Variants in ZFP64 observed in about 807,000 individuals in gnomAD.
The protein encoded by ZFP64 is ZFP64 zinc finger protein.
ZFP64 carries 14 observed loss-of-function variants against 51.6 expected under a neutral mutation model. That is an observed-to-expected ratio of 0.27 (90% CI 0.18 to 0.42). The LOEUF (loss-of-function observed/expected upper bound fraction) is 0.42, where lower values mean the gene tolerates loss of function less well. Among genes scored for constraint, ZFP64 ranks in the 10% least tolerant of loss-of-function variants. The pLI is 1.00. For synonymous variants in ZFP64, 375 were observed against 361.4 expected (o/e 1.04, Z -0.43); for missense variants, 754 against 906.8 (o/e 0.83, Z 2.16).
At chr20:52,088,364 G>T in intron 8 of ZFP64, 1 of 1,609,644 alleles carries the variant, frequency 6.2e-7, no homozygotes, top group South Asian at 1.1e-5. Flanking sequence ...AAAAGTAAGG[G>T]ATTGAGGTTT....
chr20:52,166,160 T>C (rs1982251619), intron 2 of ZFP64, 135 bp from the exon 3 acceptor site: 1 of 832,890 alleles, frequency 1.2e-6, no homozygotes. Context: ...ACAGTGATCA[T>C]GTGACCCAGT....
exon 8 of ZFP64, chr20:52,088,479 A>G: frequency 6.2e-7 from 1 of 1,614,110 alleles, no homozygotes; most frequent in Non-Finnish European, 8.5e-7. Context: ...CGCTCATCAG[A>G]GTGGATCCGC....
chr20:52,147,840 C>A (rs1980599572), downstream of ZFP64, among the ~76,000 whole-genome samples: 1 of 151,962 alleles, frequency 6.6e-6, no homozygotes, highest in South Asian at 2.1e-4. Context: ...CATGGCGAAA[C>A]CCCATCTCTA....
At chr20:52,140,222 A>G (rs539730396) in intron 5 of ZFP64, among the ~76,000 whole-genome samples, 2 of 152,280 alleles carry the variant, frequency 1.3e-5, no homozygotes, top group Admixed American at 6.5e-5. Context: ...TAATAACCCT[A>G]CAATGGCCTC....
chr20:52,178,713 C>A (rs906190709), intron 2 of ZFP64, among the ~76,000 whole-genome samples: 2 of 152,078 alleles, frequency 1.3e-5, no homozygotes, highest in African/African-American at 4.8e-5. Flanking sequence ...GAAATGCCCC[C>A]TTTCCCACCG....
chr20:52,130,394 TG>T (rs1250228104), intron 5 of ZFP64, among the ~76,000 whole-genome samples: 1 of 152,058 alleles, frequency 6.6e-6, no homozygotes, highest in Admixed American at 6.6e-5. Context: ...TTTTATTTTT[TG>T]TAGAGAGGGG....
chr20:52,165,898 T>C lies in ZFP64; in HGVS notation c.414A>G (p.Pro138=). The change falls in exon 3 of 6, where the codon CCA becomes CCG. Residue 138 remains proline, a synonymous_variant. Coordinates refer to ENST00000216923, the MANE Select transcript of ZFP64 (RefSeq NM_018197.3). ...AACAGTTAAGCCTTTTCTGAGCAGGTGGTGTTGTGGGCTTTTTGGTGCGTG... is the reference window on the plus strand; with the variant it reads ...AACAGTTAAGCCTTTTCTGAGCAGGCGGTGTTGTGGGCTTTTTGGTGCGTG... ...AKSRTKKPTT[P]PAQKRLNCCY... 6.2e-7 allele frequency: 1 copy of C among 1,613,982 alleles called. No individual in the cohort carries two copies. The highest frequency in any genetic ancestry group is 8.5e-7 in the Non-Finnish European group (1 of 1,179,964).
chr20:52,137,113 G>A (rs1482899137), intron 5 of ZFP64, among the ~76,000 whole-genome samples: 1 of 152,108 alleles, frequency 6.6e-6, no homozygotes, highest in Non-Finnish European at 1.5e-5. Flanking sequence ...GGAGCCCTGT[G>A]ATCATAGAAA....
At chr20:52,097,364 G>A in intron 7 of ZFP64, 1 of 1,612,276 alleles carries the variant, frequency 6.2e-7, no homozygotes, top group East Asian at 2.2e-5. Flanking sequence ...GAACAGAATG[G>A]ATACCTACCC....
intron 5 of ZFP64, among the ~76,000 whole-genome samples, chr20:52,116,223 C>G (rs938598486): frequency 1.3e-5 from 2 of 150,496 alleles, no homozygotes; most frequent in African/African-American, 4.9e-5. Flanking sequence ...GTAACTTCCA[C>G]CTCCCAGGTT....
At position 52,095,645 on chromosome 20, in the gene ZFP64, G is replaced by A. The variant is rs148376186; in HGVS notation, c.976+1728C>T. Among the ~76,000 whole-genome samples, 29 of 152,252 alleles carry A rather than the reference G, an allele frequency of 1.9e-4. No individual in the cohort carries two copies. In the East Asian group the frequency reaches 3.3e-3, roughly 17 times the overall value. Reference sequence around the variant, plus strand: ...CTAAGTTTGCTTACACTAGGGAGGCGCGTCTGCTTACCTGACTCAAGAACA... The same window carrying A: ...CTAAGTTTGCTTACACTAGGGAGGCACGTCTGCTTACCTGACTCAAGAACA... On this transcript the variant is annotated intron_variant, in intron 7 of 8. Coordinates refer to the ZFP64 transcript ENST00000361387.
intron 5 of ZFP64, among the ~76,000 whole-genome samples, chr20:52,132,975 AC>A (rs1979795064): frequency 6.6e-6 from 1 of 152,178 alleles, no homozygotes; most frequent in Non-Finnish European, 1.5e-5. Flanking sequence ...ATACTAGCAA[AC>A]CAAATTCAAC....
At chr20:52,105,024 C>T in intron 5 of ZFP64, 1 of 1,299,946 alleles carries the variant, frequency 7.7e-7, no homozygotes, top group Non-Finnish European at 1.0e-6. Flanking sequence ...CCGGACGCTT[C>T]GCCCGCCCTT....
chr20:52,152,592 G>A lies in ZFP64; in HGVS notation c.1600C>T (p.Leu534Phe). The change falls in exon 6 of 6, where the codon CTC becomes TTC. Residue 534 changes from leucine to phenylalanine, a missense_variant. By Grantham distance (22) the Leu-to-Phe change is conservative (BLOSUM62 0). This residue lies in a region of ZFP64 where 428 missense variants were observed against 472.4 expected (regional missense o/e 0.91). Transcript: ENST00000216923. ...PALVAQNPEELPGNSRLQILR... is the reference protein window; with the variant it reads ...PALVAQNPEEFPGNSRLQILR... Reference sequence around the variant, plus strand: ...ATCTGCAGCCGGCTGTTCCCTGGGAGTTCCTCTGGGTTCTGGGCCACCAAG... The same window carrying A: ...ATCTGCAGCCGGCTGTTCCCTGGGAATTCCTCTGGGTTCTGGGCCACCAAG... The A allele has an allele frequency of 6.5e-7, 1 of 1,546,090 alleles. No individual in the cohort carries two copies. The highest frequency in any genetic ancestry group is 8.7e-7 in the Non-Finnish European group (1 of 1,150,402).
chr20:52,091,857 G>A (rs1365699540), intron 7 of ZFP64, among the ~76,000 whole-genome samples: 2 of 115,516 alleles, frequency 1.7e-5, no homozygotes, highest in Non-Finnish European at 4.0e-5. Context: ...AGACGTGGTG[G>A]CACATGCCTG....
rs1984036001 is a variant in ZFP64, at chr20:52,187,235, G to A, written c.47-164C>T. 2.0e-5 allele frequency among the ~76,000 whole-genome samples: 3 copies of A among 152,168 alleles called. No homozygotes were observed. In the South Asian group the frequency reaches 6.2e-4, roughly 31 times the overall value. On this transcript the variant is annotated intron_variant, in intron 1 of 5. Coordinates refer to ENST00000216923, the MANE Select transcript of ZFP64 (RefSeq NM_018197.3). ...TTCCTGCGAACTGCATCCTAATTGTGCCCTAGCAGCAAGGTATCATATTTC... is the reference window on the plus strand; with the variant it reads ...TTCCTGCGAACTGCATCCTAATTGTACCCTAGCAGCAAGGTATCATATTTC...
At chr20:52,132,761 C>A (rs1979783600) in intron 5 of ZFP64, among the ~76,000 whole-genome samples, 1 of 152,128 alleles carries the variant, frequency 6.6e-6, no homozygotes, top group African/African-American at 2.4e-5. Flanking sequence ...GGCTTCACTG[C>A]TGAATTCTGC....
At chr20:52,126,936 G>T (rs1040490620) in intron 5 of ZFP64, among the ~76,000 whole-genome samples, 1 of 150,948 alleles carries the variant, frequency 6.6e-6, no homozygotes, top group Non-Finnish European at 1.5e-5. Context: ...TAAAGGAAGT[G>T]ATATGGTTAG....
At chr20:52,186,373 T>C (rs187291097) in intron 2 of ZFP64, among the ~76,000 whole-genome samples, 3 of 152,278 alleles carry the variant, frequency 2.0e-5, no homozygotes, top group Admixed American at 2.0e-4. Context: ...GATGTTTTCC[T>C]GATCAGCAGC....
Sources: gnomAD v4.1 joint callset for allele counts (sites outside exome capture counted in the v4.1 genomes callset) on GRCh38, gnomAD v4.1.1 for gene constraint, gnomAD v4.1.1 regional missense constraint, MANE v1.5 for transcripts, NCBI Gene and HGNC (gene_info 2026-07-23, HGNC 2026-07-21) for gene names.